Variants in UNC45A observed in about 807,000 individuals in gnomAD.
UNC45A encodes protein unc-45 homolog A.
UNC45A carries 78 observed loss-of-function variants against 103.2 expected under a neutral mutation model. The observed-to-expected ratio is 0.76, with a 90% CI of 0.63 to 0.91. UNC45A has a LOEUF of 0.91. UNC45A is among the 40% of genes least tolerant of loss of function. The pLI is 0.00. For synonymous variants in UNC45A, 495 were observed against 504.6 expected (o/e 0.98, Z 0.25); for missense variants, 1,193 against 1,224.8 (o/e 0.97, Z 0.39).
chr15:90,947,807 G>A lies in UNC45A; in HGVS notation c.1512G>A (p.Lys504=). 6.2e-7 allele frequency: 1 copy of A among 1,614,116 alleles called. No individual in the cohort carries two copies. The highest frequency in any genetic ancestry group is 8.5e-7 in the Non-Finnish European group (1 of 1,179,994). The change falls in exon 11 of 20, where the codon AAG becomes AAA. Residue 504 remains lysine, a synonymous_variant. Coordinates refer to ENST00000418476, the MANE Select transcript of UNC45A (RefSeq NM_018671.5). ...CCCTCTTCCTCCAGGGACTCTGTAA[G>A]CTCGGTTCGGCTGGAGGGACTGACT... ...IRIRALVGLC[K]LGSAGGTDFS... is the part of the protein sequence containing the mutation.
chr15:90,943,216 C>T (rs775832873), intron 8 of UNC45A, 134 bp downstream of exon 8: 263 of 1,149,054 alleles, frequency 2.3e-4, no homozygotes, highest in Non-Finnish European at 2.6e-4. Flanking sequence ...CACTTGAAGC[C>T]GGGAGTTTGA....
At chr15:90,934,665 G>T, upstream of UNC45A, 1 of 398,250 alleles carries the variant, frequency 2.5e-6, no homozygotes, top group Non-Finnish European at 4.4e-6. Context: ...TGAAGGGACA[G>T]ACCGCAACAG....
At chr15:90,943,163 G>T (rs1383778531) in intron 8 of UNC45A, 81 bp downstream of exon 8, 2 of 1,487,568 alleles carry the variant, frequency 1.3e-6, no homozygotes, top group East Asian at 4.7e-5. Flanking sequence ...AGTTGTGAGT[G>T]GGGCCAGGCA....
At position 90,953,145 on chromosome 15, in the gene UNC45A, C is replaced by G. The variant is rs1368975599; in HGVS notation, c.2422-10C>G. The G allele has an allele frequency of 1.9e-6, 3 of 1,613,056 alleles. No individual in the cohort carries two copies. The African/African-American group carries it at 4.0e-5, about 22-fold the overall frequency. On this transcript the variant is annotated splice_polypyrimidine_tract_variant and intron_variant, in intron 18 of 19. Coordinates refer to ENST00000418476, the MANE Select transcript of UNC45A (RefSeq NM_018671.5). ...AACTGACTTGGTCCACTCCTCACATCTGGCCACAGGTGCAGGACCTCTTCG... is the reference window on the plus strand; with the variant it reads ...AACTGACTTGGTCCACTCCTCACATGTGGCCACAGGTGCAGGACCTCTTCG...
Position 90,948,711 on chromosome 15 carries a change from A to G in UNC45A, c.1795A>G (p.Ser599Gly), listed in dbSNP as rs2036714854. Residue 599 changes from serine (S) to glycine (G), a missense_variant, in exon 13 of 20, where the codon AGC becomes GGC. By Grantham distance (56) the Ser-to-Gly change is moderately conservative. Coordinates refer to ENST00000418476, the MANE Select transcript of UNC45A (RefSeq NM_018671.5). The part of the protein sequence containing the change: ...VASALVNCTN[S>G]YDYEEPDPKM... ...CTCAGCGCTGGTGAACTGCACCAACAGCTATGACTACGAGGAGCCCGACCC... is the reference window on the plus strand; with the variant it reads ...CTCAGCGCTGGTGAACTGCACCAACGGCTATGACTACGAGGAGCCCGACCC... 2 of 1,613,956 alleles carry G rather than the reference A, an allele frequency of 1.2e-6. No homozygotes were observed. The highest frequency in any genetic ancestry group is 1.7e-6 in the Non-Finnish European group (2 of 1,180,028).
Position 90,953,242 on chromosome 15 carries a change from G to A in UNC45A, c.2509G>A (p.Ala837Thr). 1 of 1,613,708 alleles carries A rather than the reference G, an allele frequency of 6.2e-7. No homozygotes were observed. Among genetic ancestry groups the A allele is most frequent in the Non-Finnish European group, 8.5e-7 (1 of 1,180,026 alleles). The change falls in exon 19 of 20, where the codon GCA (alanine) becomes ACA (threonine). Residue 837 changes from alanine (A) to threonine (T), a missense_variant. Ala to Thr is a moderately conservative substitution (Grantham distance 58). Transcript: ENST00000418476. ...SGEDDELLQRAAAGGLAMLTS... is the reference protein window; with the variant it reads ...SGEDDELLQRTAAGGLAMLTS... ...AGAGGATGATGAGCTGCTACAGCGGGCAGCTGCCGGGGGCTTGGCCATGCT... is the reference window on the plus strand; with the variant it reads ...AGAGGATGATGAGCTGCTACAGCGGACAGCTGCCGGGGGCTTGGCCATGCT...
At chr15:90,949,295 C>G in intron 13 of UNC45A, 21 bp from the exon 14 acceptor site, 1 of 1,607,786 alleles carries the variant, frequency 6.2e-7, no homozygotes, top group Non-Finnish European at 8.5e-7. Context: ...GGCCCCTCTC[C>G]TAAGCTGCCT....
chr15:90,939,276 C>T (rs1278469914), intron 4 of UNC45A, among the ~76,000 whole-genome samples: 2 of 152,222 alleles, frequency 1.3e-5, no homozygotes, highest in African/African-American at 4.8e-5. Context: ...CCACTGCGCC[C>T]AGCTCAGATT....
At position 90,953,902 on chromosome 15, in the gene UNC45A, C is replaced by T. The variant is rs1187318075; in HGVS notation, c.*186C>T. ...CGTTCAGTCACACAGCCCTGCTTGGCCAGCACTGCCTGCAGCCTCACTCAG... is the reference window on the plus strand; with the variant it reads ...CGTTCAGTCACACAGCCCTGCTTGGTCAGCACTGCCTGCAGCCTCACTCAG... On this transcript the variant is annotated 3_prime_UTR_variant, in exon 20 of 20. Coordinates refer to ENST00000418476, the MANE Select transcript of UNC45A (RefSeq NM_018671.5). 2.2e-5 allele frequency: 18 copies of T among 800,448 alleles called. No individual in the cohort carries two copies. Among genetic ancestry groups the T allele is most frequent in the Non-Finnish European group, 3.3e-5 (17 of 516,252 alleles). The allele number at this position is 800,448 out of a possible 1,614,324, so 49.6% of individuals were successfully genotyped here.
intron 9 of UNC45A, among the ~76,000 whole-genome samples, chr15:90,946,222 C>T (rs67373863): frequency 2.1e-5 from 3 of 146,088 alleles, no homozygotes; most frequent in Admixed American, 6.8e-5. Flanking sequence ...CCATTGCACT[C>T]CAGCCTTGGG....
rs910094292 is a variant in UNC45A at position 90,940,420 on chromosome 15, A to G, written c.634A>G (p.Met212Val). The G allele has an allele frequency of 6.2e-7, 1 of 1,614,124 alleles. No homozygotes were observed. Among genetic ancestry groups the G allele is most frequent in the African/African-American group, 1.3e-5 (1 of 75,062 alleles). Residue 212 changes from methionine (M) to valine (V), a missense_variant, in exon 6 of 20, where the codon ATG becomes GTG. Coordinates refer to ENST00000418476, the MANE Select transcript of UNC45A (RefSeq NM_018671.5). The stretch of plus-strand genomic sequence containing the variant: ...ACTGGACATGGGAGAGACTGACCTC[A>G]TGCTGGCGGCTCTGCGTACGCTGGT... The part of the protein sequence containing the change: ...RLLDMGETDL[M>V]LAALRTLVGI...
chr15:90,952,865 C>A lies in UNC45A; in HGVS notation c.2304-64C>A. 3 of 1,478,316 alleles carry A rather than the reference C, an allele frequency of 2.0e-6. No homozygotes were observed. The South Asian group carries it at 3.5e-5, about 17-fold the overall frequency. 91.6% of individuals were successfully genotyped at this position (1,478,316 alleles called of 1,614,324 possible). A position where few individuals can be genotyped will look rare whatever the true frequency, so the allele number is the denominator to read the frequency against. On this transcript the variant is annotated intron_variant, in intron 17 of 19. Coordinates refer to ENST00000418476, the MANE Select transcript of UNC45A (RefSeq NM_018671.5). ...TCCAACATTGGGGATTATAGTTCAA[C>A]ATGAGGGTTAGAAGGGAAAACATCC...
rs2151362211 is a variant in UNC45A, at chr15:90,942,534, A to G, written c.785A>G (p.Gln262Arg). 6.2e-7 allele frequency: 1 copy of G among 1,614,176 alleles called. No homozygotes were observed. Among genetic ancestry groups the G allele is most frequent in the Non-Finnish European group, 8.5e-7 (1 of 1,180,024 alleles). ...TCCCTGGCTGCCTGCCACCTGCTGC[A>G]GGTTATGTTTGATGCCCTCAAGGAA... ...AVSLAACHLL[Q>R]VMFDALKEGV... is the part of the protein sequence containing the mutation. Residue 262 changes from glutamine to arginine, a missense_variant, in exon 7 of 20, where the codon CAG (glutamine) becomes CGG (arginine). Coordinates refer to ENST00000418476, the MANE Select transcript of UNC45A (RefSeq NM_018671.5).
In UNC45A at chr15:90,947,792, C is replaced by T; in HGVS notation, c.1501-4C>T. 6.2e-7 allele frequency: 1 copy of T among 1,613,704 alleles called. No individual in the cohort carries two copies. The highest frequency in any genetic ancestry group is 8.5e-7 in the Non-Finnish European group (1 of 1,179,670). The stretch of plus-strand genomic sequence containing the variant: ...GGCCAACTGGTCTTGCCCTCTTCCT[C>T]CAGGGACTCTGTAAGCTCGGTTCGG... On this transcript the variant is annotated splice_polypyrimidine_tract_variant and splice_region_variant and intron_variant, in intron 10 of 19. Transcript: ENST00000418476.
chr15:90,933,985 TAGAA>T, upstream of UNC45A: 1 of 398,970 alleles, frequency 2.5e-6, no homozygotes, highest in Non-Finnish European at 4.4e-6. Context: ...AGTCACGGCC[TAGAA>T]AGAGAGATGT....
In UNC45A at chr15:90,953,520, A is replaced by G; in HGVS notation, c.2639A>G (p.His880Arg). 2.5e-6 allele frequency: 4 copies of G among 1,614,106 alleles called. No homozygotes were observed. Among genetic ancestry groups the G allele is most frequent in the Non-Finnish European group, 3.4e-6 (4 of 1,180,034 alleles). The change falls in exon 20 of 20, where the codon CAC becomes CGC. Residue 880 changes from histidine to arginine, a missense_variant. Coordinates refer to ENST00000418476, the MANE Select transcript of UNC45A (RefSeq NM_018671.5). Reference sequence around the variant, plus strand: ...CTGAGCTCCAACCAGGAGCTGCAGCACCGGGGTGCTGTGGTGGTGCTGAAC... The same window carrying G: ...CTGAGCTCCAACCAGGAGCTGCAGCGCCGGGGTGCTGTGGTGGTGCTGAAC... Reference protein sequence around the residue: ...LLLSSNQELQHRGAVVVLNMV... With the variant: ...LLLSSNQELQRRGAVVVLNMV...
intron 10 of UNC45A, 37 bp downstream of exon 10, chr15:90,946,951 C>T: frequency 6.4e-7 from 1 of 1,571,752 alleles, no homozygotes; most frequent in Non-Finnish European, 8.7e-7. Context: ...GGCAGGCAGC[C>T]AGGCAGGGGT....
chr15:90,930,649 G>A (rs2035757952), upstream of UNC45A: 1 of 153,474 alleles, frequency 6.5e-6, no homozygotes, highest in South Asian at 2.0e-4. Flanking sequence ...GATTACAGGC[G>A]AGAGACACCG....
intron 1 of UNC45A, 46 bp from the exon 2 acceptor site, chr15:90,935,498 C>G: frequency 6.3e-7 from 1 of 1,575,062 alleles, no homozygotes; most frequent in Admixed American, 1.8e-5. Context: ...CTCCCGGGCT[C>G]TGCCCCGAAC....
Sources: allele counts gnomAD v4.1 joint callset (sites outside exome capture counted in the v4.1 genomes callset), GRCh38; gene constraint gnomAD v4.1.1; transcripts MANE v1.5; gene names NCBI Gene and HGNC (gene_info 2026-07-23, HGNC 2026-07-21).